The following DNAH17 variants were observed in gnomAD, a reference collection of about 807,000 sequenced individuals.
DNAH17 encodes dynein axonemal heavy chain 17, also known as axonemal beta dynein heavy chain 17.
In DNAH17, 376 loss-of-function variants were observed where a neutral mutation model predicts 485.6. That is an observed-to-expected ratio of 0.77 (90% confidence interval 0.71 to 0.84). The LOEUF (loss-of-function observed/expected upper bound fraction) is 0.84. Among genes scored for constraint, DNAH17 ranks in the 40% least tolerant of loss-of-function variants. The pLI is 0.00. For missense variants in DNAH17, 6,370 were observed against 5,839.3 expected, an observed-to-expected ratio of 1.09 and a Z score of -2.96; for synonymous variants, 3,031 against 2,405.9, an observed-to-expected ratio of 1.26 and a Z score of -7.60.
chr17:78,526,140 G>A (rs2091064531), intron 24 of DNAH17, among the ~76,000 whole-genome samples: 2 of 152,234 alleles, frequency 1.3e-5, no homozygotes, highest in Admixed American at 1.3e-4. Context: ...CCAGGTCCAG[G>A]GCTGTGTGAA....
At chr17:78,429,494 G>A (rs189163071) in intron 75 of DNAH17, among the ~76,000 whole-genome samples, 194 bp from the exon 76 acceptor site, 3 of 152,284 alleles carry the variant, frequency 2.0e-5, no homozygotes, top group Admixed American at 2.0e-4. Context: ...TCCATTCCGC[G>A]CCACCAGACG....
chr17:78,552,546 G>A (rs2091926655), intron 15 of DNAH17, 151 bp downstream of exon 15: 1 of 427,802 alleles, frequency 2.3e-6, no homozygotes, highest in Non-Finnish European at 4.1e-6. Flanking sequence ...GCAGGCAGGT[G>A]GAAGTAACTA....
chr17:78,531,550 G>C (rs994437119), intron 20 of DNAH17, among the ~76,000 whole-genome samples: 1 of 152,070 alleles, frequency 6.6e-6, no homozygotes, highest in Admixed American at 6.6e-5. Context: ...GTGTTAGCCA[G>C]GATGGTCTCG....
At chr17:78,426,888 C>T in intron 78 of DNAH17, 38 bp downstream of exon 78, 1 of 1,567,214 alleles carries the variant, frequency 6.4e-7, no homozygotes, top group Non-Finnish European at 8.7e-7. Flanking sequence ...GTTTCACCAT[C>T]CAGCCACGTC....
chr17:78,443,877 G>A, intron 71 of DNAH17, among the ~76,000 whole-genome samples: 1 of 152,266 alleles, frequency 6.6e-6, no homozygotes, highest in Middle Eastern at 3.4e-3. Flanking sequence ...GTGTCCTTTG[G>A]GAAACCTGGC....
intron 68 of DNAH17, 135 bp downstream of exon 68, chr17:78,450,119 G>A (rs773639929): frequency 1.9e-6 from 2 of 1,058,490 alleles, no homozygotes; most frequent in Non-Finnish European, 2.7e-6. Flanking sequence ...AGCTCCATCT[G>A]CAGGCTGGAC....
At chr17:78,484,504 C>T (rs2089497963) in intron 48 of DNAH17, among the ~76,000 whole-genome samples, 1 of 152,132 alleles carries the variant, frequency 6.6e-6, no homozygotes, top group Non-Finnish European at 1.5e-5. Context: ...CAGGGCTCTT[C>T]CTTTACCGGG....
At position 78,522,033 on chromosome 17, in the gene DNAH17, A is replaced by G. The variant is rs138938544; in HGVS notation, c.3864+2976T>C. ...TCTTGCTCAGCGAAATACCCTGTTA[A>G]GAGAATGAAAAGACAAGTTACAGAC... On this transcript the variant is annotated intron_variant, in intron 25 of 80. Coordinates refer to ENST00000389840, the MANE Select transcript of DNAH17 (RefSeq NM_173628.4). Among the ~76,000 whole-genome samples the G allele has an allele frequency of 9.7e-4, 148 of 152,340 alleles. 1 individual carries two copies. The highest frequency in any genetic ancestry group is 3.4e-3 in the African/African-American group (143 of 41,582).
At position 78,454,717 on chromosome 17, in the gene DNAH17, G is replaced by A. The variant is rs756631467; in HGVS notation, c.10171-12C>T. Reference sequence around the variant, plus strand: ...ATCGGGATGGGGACCTGCCCAGGGAGGCACACTTTCTTAGAGGGGGTAATG... The same window carrying A: ...ATCGGGATGGGGACCTGCCCAGGGAAGCACACTTTCTTAGAGGGGGTAATG... On this transcript the variant is annotated splice_polypyrimidine_tract_variant and intron_variant, in intron 63 of 80. Transcript: ENST00000389840. The A allele has an allele frequency of 5.0e-6, 8 of 1,606,554 alleles. No homozygotes were observed. Among genetic ancestry groups the A allele is most frequent in the South Asian group, 1.1e-5 (1 of 90,986 alleles).
intron 54 of DNAH17, among the ~76,000 whole-genome samples, chr17:78,469,129 C>A (rs2088628906): frequency 6.6e-6 from 1 of 151,460 alleles, no homozygotes; most frequent in Non-Finnish European, 1.5e-5. Flanking sequence ...ATGGGGCCAA[C>A]TTTCTTTTTT....
rs115404277 is a variant in DNAH17, at chr17:78,567,509, T to C, written c.1285-343A>G. Among the ~76,000 whole-genome samples the C allele has an allele frequency of 3.5e-3, 534 of 152,248 alleles. 3 individuals are homozygous for C. The highest frequency in any genetic ancestry group is 0.012 in the African/African-American group (508 of 41,536). On this transcript the variant is annotated intron_variant, in intron 9 of 80. Coordinates refer to ENST00000389840, the MANE Select transcript of DNAH17 (RefSeq NM_173628.4). ...ACACTCTGCTGGGACCTCCGTTTTCTCCGCTGTGGGAAGCGGTTGGAATGG... is the reference window on the plus strand; with the variant it reads ...ACACTCTGCTGGGACCTCCGTTTTCCCCGCTGTGGGAAGCGGTTGGAATGG...
intron 19 of DNAH17, among the ~76,000 whole-genome samples, chr17:78,535,314 C>A (rs945904820): frequency 6.6e-6 from 1 of 152,208 alleles, no homozygotes. Context: ...CAGCTTGCTG[C>A]TTGCACTTGG....
intron 27 of DNAH17, among the ~76,000 whole-genome samples, chr17:78,508,603 C>T (rs1190284827): frequency 1.3e-5 from 2 of 152,088 alleles, no homozygotes; most frequent in African/African-American, 4.8e-5. Flanking sequence ...ATGTTGCCTC[C>T]TCTACCTATG....
rs1405015285 is a variant in DNAH17, at chr17:78,570,175, G to A, written c.1044+72C>T. On this transcript the variant is annotated intron_variant, in intron 7 of 80. Coordinates refer to ENST00000389840, the MANE Select transcript of DNAH17 (RefSeq NM_173628.4). ...AACTGCTGGGGAACATGGGCAGCAGGAAAACAGTGAACCGGGGAGGGGACC... is the reference window on the plus strand; with the variant it reads ...AACTGCTGGGGAACATGGGCAGCAGAAAAACAGTGAACCGGGGAGGGGACC... 25 of 1,479,350 alleles carry A rather than the reference G, an allele frequency of 1.7e-5. No homozygotes were observed. In the Admixed American group the frequency reaches 1.9e-4, roughly 11 times the overall value. The allele number at this position is 1,479,350 out of a possible 1,614,324, so 91.6% of individuals were successfully genotyped here.
intron 51 of DNAH17, among the ~76,000 whole-genome samples, chr17:78,478,677 CCAT>C (rs982677239): frequency 4.0e-5 from 6 of 149,180 alleles, no homozygotes; most frequent in African/African-American, 1.5e-4. Flanking sequence ...ATCACTACCA[CCAT>C]CATCACAATT....
At position 78,530,335 on chromosome 17, in the gene DNAH17, G is replaced by A. The variant is rs1306576580; in HGVS notation, c.3284+8C>T. ...TTGGGCTCCCCGAGTACATGGCTGG[G>A]GACCCACCTGTTGGTGACGTGGTTG... On this transcript the variant is annotated splice_region_variant and intron_variant, in intron 21 of 80. Coordinates refer to ENST00000389840, the MANE Select transcript of DNAH17 (RefSeq NM_173628.4). 1.2e-6 allele frequency: 2 copies of A among 1,603,042 alleles called. No individual in the cohort carries two copies. Among genetic ancestry groups the A allele is most frequent in the South Asian group, 2.2e-5 (2 of 90,462 alleles).
At chr17:78,569,934 C>T (rs573855463) in intron 7 of DNAH17, among the ~76,000 whole-genome samples, 75 of 152,234 alleles carry the variant, frequency 4.9e-4, no homozygotes, top group African/African-American at 1.6e-3. Flanking sequence ...CTAAGGGAGA[C>T]GGAAGGTGGT....
At chr17:78,433,127 G>C (rs750811213) in intron 75 of DNAH17, among the ~76,000 whole-genome samples, 16 of 152,190 alleles carry the variant, frequency 1.1e-4, no homozygotes, top group African/African-American at 2.4e-4. Flanking sequence ...GTGAGGAGGA[G>C]GACCCAGGGT....
chr17:78,570,885 A>G (rs2092345791), intron 6 of DNAH17, 63 bp downstream of exon 6: 3 of 703,064 alleles, frequency 4.3e-6, no homozygotes, highest in Middle Eastern at 3.7e-4. Flanking sequence ...AAAAGAAAAA[A>G]GAAAAGAAAA....
Sources: allele counts gnomAD v4.1 joint callset (sites outside exome capture counted in the v4.1 genomes callset), GRCh38; gene constraint gnomAD v4.1.1; transcripts MANE v1.5; gene names NCBI Gene and HGNC (gene_info 2026-07-23, HGNC 2026-07-21).